Variants in GRK5 observed in about 807,000 individuals in gnomAD.
The protein encoded by GRK5 is g protein-coupled receptor kinase GRK5.
In GRK5, 40 loss-of-function variants were observed where a neutral mutation model predicts 78.4. That is an observed-to-expected ratio of 0.51 (90% CI 0.40 to 0.66). The LOEUF is 0.66. GRK5 is among the 30% of genes least tolerant of loss of function. The pLI, the probability that GRK5 is intolerant of heterozygous loss-of-function variation, is 0.00. For missense variants in GRK5, 598 were observed against 759.9 expected, an observed-to-expected ratio of 0.79 and a Z score of 2.50; for synonymous variants, 289 against 296.8, an observed-to-expected ratio of 0.97 and a Z score of 0.27.
At chr10:119,429,034 G>A (rs1852761212) in intron 6 of GRK5, among the ~76,000 whole-genome samples, 1 of 152,220 alleles carries the variant, frequency 6.6e-6, no homozygotes, top group African/African-American at 2.4e-5. Flanking sequence ...GCTTCCCAGG[G>A]CCACGTGGTC....
chr10:119,334,826 A>G (rs1232283822), intron 2 of GRK5: 1 of 150,612 alleles, frequency 6.6e-6, no homozygotes, highest in Non-Finnish European at 1.5e-5. Flanking sequence ...CAGGACTGAC[A>G]TTTATGAGGA....
rs1302923793 is a variant in GRK5 at position 119,415,089 on chromosome 10, AAAAAAAAAAAAAAAG to A, written c.340-8071_340-8057del. Among the ~76,000 whole-genome samples the A allele has an allele frequency of 2.6e-5, 4 of 150,958 alleles. No homozygotes were observed. In the East Asian group the frequency reaches 6.0e-4, roughly 22 times the overall value. On this transcript the variant is annotated intron_variant, in intron 4 of 15. Coordinates refer to ENST00000392870, the MANE Select transcript of GRK5 (RefSeq NM_005308.3). The stretch of plus-strand genomic sequence containing the variant: ...AGAGTGAGACTCTGTCTCAAAAAAA[AAAAAAAAAAAAAAAG>A]AAAAAGAAAAAAGAAATGGCAGTGA...
chr10:119,294,070 T>C (rs1434954328), intron 1 of GRK5, among the ~76,000 whole-genome samples: 1 of 152,158 alleles, frequency 6.6e-6, no homozygotes, highest in Non-Finnish European at 1.5e-5. Context: ...CTCCACTTAC[T>C]TTCATGGTGT....
intron 2 of GRK5, among the ~76,000 whole-genome samples, chr10:119,371,824 G>A (rs1481549767): frequency 6.6e-6 from 1 of 152,230 alleles, no homozygotes; most frequent in Non-Finnish European, 1.5e-5. Flanking sequence ...AGTGGCTGCT[G>A]TTTCTGTGGC....
chr10:119,335,173 T>C (rs1219979390), intron 2 of GRK5, among the ~76,000 whole-genome samples: 3 of 123,698 alleles, frequency 2.4e-5, no homozygotes, highest in Non-Finnish European at 3.4e-5. Flanking sequence ...TCTCTCTCTC[T>C]CTCCCCCTCT....
intron 2 of GRK5, among the ~76,000 whole-genome samples, chr10:119,346,521 G>A (rs577703913): frequency 7.0e-4 from 106 of 152,218 alleles, no homozygotes; most frequent in Non-Finnish European, 1.3e-3. Flanking sequence ...TCCTGCTTGG[G>A]GGATGCTGCA....
chr10:119,437,218 A>G (rs945896962), intron 9 of GRK5, among the ~76,000 whole-genome samples: 1 of 152,216 alleles, frequency 6.6e-6, no homozygotes, highest in Non-Finnish European at 1.5e-5. Context: ...ATCTGGGATC[A>G]GTCCTGGGAA....
chr10:119,313,308 A>G (rs1043541204), intron 1 of GRK5, among the ~76,000 whole-genome samples: 5 of 144,978 alleles, frequency 3.4e-5, no homozygotes, highest in African/African-American at 1.3e-4. Flanking sequence ...GGTGGTGATG[A>G]TGGTGGTGGC....
At chr10:119,290,208 A>T (rs1449676218) in intron 1 of GRK5, among the ~76,000 whole-genome samples, 1 of 151,976 alleles carries the variant, frequency 6.6e-6, no homozygotes, top group Admixed American at 6.6e-5. Flanking sequence ...TTAGCCAGGC[A>T]TGTTGGCGGG....
intron 11 of GRK5, among the ~76,000 whole-genome samples, 191 bp downstream of exon 11, chr10:119,442,279 G>A (rs894748785): frequency 1.1e-4 from 16 of 152,252 alleles, no homozygotes; most frequent in African/African-American, 3.6e-4. Context: ...AGGGGCCCCA[G>A]ATGTGATGAC....
chr10:119,350,221 C>G (rs1851168590), intron 2 of GRK5, among the ~76,000 whole-genome samples: 1 of 152,232 alleles, frequency 6.6e-6, no homozygotes, highest in South Asian at 2.1e-4. Flanking sequence ...ACATGTGGGT[C>G]CTGGAGTCTC....
chr10:119,337,079 T>C (rs1850902348), intron 2 of GRK5, among the ~76,000 whole-genome samples: 1 of 152,136 alleles, frequency 6.6e-6, no homozygotes, highest in Non-Finnish European at 1.5e-5. Context: ...GTTGTGGTTT[T>C]CAAAGACTGC....
At chr10:119,397,367 A>G (rs984103473) in intron 4 of GRK5, among the ~76,000 whole-genome samples, 6 of 152,094 alleles carry the variant, frequency 3.9e-5, no homozygotes, top group African/African-American at 1.4e-4. Flanking sequence ...CTCTTGACTC[A>G]CCTTCACAGA....
chr10:119,313,917 G>A (rs527788195), intron 1 of GRK5, among the ~76,000 whole-genome samples: 70 of 152,290 alleles, frequency 4.6e-4, no homozygotes, highest in African/African-American at 1.6e-3. Context: ...TGTTGTGGCC[G>A]TGAGGAGGGG....
intron 4 of GRK5, among the ~76,000 whole-genome samples, chr10:119,398,779 A>G (rs1207697693): frequency 6.6e-6 from 1 of 152,232 alleles, no homozygotes; most frequent in Non-Finnish European, 1.5e-5. Context: ...TTTGAACCCA[A>G]GTCTGGGTGA....
intron 2 of GRK5, among the ~76,000 whole-genome samples, chr10:119,328,044 C>CAGTCATAG (rs1850709109): frequency 6.6e-6 from 1 of 152,318 alleles, no homozygotes; most frequent in East Asian, 1.9e-4. Flanking sequence ...TCTGTGAACC[C>CAGTCATAG]AGTCATAGGG....
intron 1 of GRK5, among the ~76,000 whole-genome samples, chr10:119,300,549 C>T (rs1850160440): frequency 6.6e-6 from 1 of 152,196 alleles, no homozygotes; most frequent in Non-Finnish European, 1.5e-5. Context: ...CCCTCTTTCC[C>T]CCAGATAGTC....
chr10:119,293,855 C>T (rs187729883), intron 1 of GRK5, among the ~76,000 whole-genome samples: 5 of 152,236 alleles, frequency 3.3e-5, no homozygotes, highest in East Asian at 1.9e-4. Flanking sequence ...CTGAAATAGA[C>T]GCCTTCAGAT....
At chr10:119,209,873 C>T (rs1160453945) in intron 1 of GRK5, among the ~76,000 whole-genome samples, 1 of 152,140 alleles carries the variant, frequency 6.6e-6, no homozygotes, top group African/African-American at 2.4e-5. Context: ...TTTTTCTTCC[C>T]TGAGCATTTG....
Sources: allele counts gnomAD v4.1 joint callset (sites outside exome capture counted in the v4.1 genomes callset), GRCh38; gene constraint gnomAD v4.1.1; transcripts MANE v1.5; gene names NCBI Gene and HGNC (gene_info 2026-07-23, HGNC 2026-07-21).